The following AKR1D1 variants were observed in gnomAD, a reference collection of about 807,000 sequenced individuals.
The protein encoded by AKR1D1 is aldo-keto reductase family 1 member D1.
A neutral mutation model predicts 42.6 loss-of-function variants in AKR1D1; 32 were observed. The observed-to-expected ratio is 0.75, with a 90% CI of 0.57 to 1.01. The LOEUF (loss-of-function observed/expected upper bound fraction) is 1.01. Ranked by LOEUF, AKR1D1 falls within the 50% of genes least tolerant of loss-of-function variation. AKR1D1 has a pLI of 0.00. For synonymous variants in AKR1D1, 123 were observed against 135.5 expected, an observed-to-expected ratio of 0.91 and a Z score of 0.64; for missense variants, 364 against 402.2, an observed-to-expected ratio of 0.91 and a Z score of 0.81.
Position 138,097,943 on chromosome 7 carries a change from G to C in AKR1D1, c.456G>C (p.Glu152Asp), listed in dbSNP as rs201081358. 6.2e-7 allele frequency: 1 copy of C among 1,607,046 alleles called. No homozygotes were observed. The highest frequency in any genetic ancestry group is 1.7e-5 in the Admixed American group (1 of 59,944). Residue 152 changes from glutamate to aspartate, a missense_variant and splice_region_variant, in exon 4 of 9, where the codon GAG (glutamate) becomes GAC (aspartate). By Grantham distance (45) the Glu-to-Asp change is conservative. Transcript: ENST00000242375. ...YHKSNLCATW[E>D]AMEACKDAGL... ...AGTCAAATCTGTGTGCCACTTGGGA[G>C]GTAAGTTCAAATGTGCTTCTTATTT...
In AKR1D1 at chr7:138,113,666, GTTC is replaced by G. The variant is rs1459564905; in HGVS notation, c.856-22_856-20del. The G allele has an allele frequency of 1.9e-6, 3 of 1,606,666 alleles. No homozygotes were observed. The African/African-American group carries it at 4.0e-5, about 21-fold the overall frequency. ...GATCCCAAGCTTGACCTTCAAAAAT[GTTC>G]TATTATTTCCGTTATTTCAGATCTT... is the stretch of plus-strand genomic sequence containing the variant. On this transcript the variant is annotated intron_variant, in intron 7 of 8. Coordinates refer to ENST00000242375, the MANE Select transcript of AKR1D1 (RefSeq NM_005989.4).
At chr7:138,084,495 A>C (rs1012669172) in intron 1 of AKR1D1, among the ~76,000 whole-genome samples, 2 of 152,040 alleles carry the variant, frequency 1.3e-5, no homozygotes, top group African/African-American at 4.8e-5. Flanking sequence ...CTGGGATTAC[A>C]GGTGTGTGCC....
chr7:138,076,512 C>T lies in AKR1D1; in HGVS notation c.-7C>T, dbSNP rs1802940649. The T allele has an allele frequency of 1.2e-6, 2 of 1,612,004 alleles. No homozygotes were observed. The highest frequency in any genetic ancestry group is 2.2e-5 in the South Asian group (2 of 91,020). On this transcript the variant is annotated 5_prime_UTR_variant, in exon 1 of 9. Coordinates refer to ENST00000242375, the MANE Select transcript of AKR1D1 (RefSeq NM_005989.4). ...TCAGAATCACTCCTACAGTCAGGTT[C>T]TCCACAATGGATCTCAGTGCTGCAA...
At chr7:138,077,551 A>G (rs572622804) in intron 1 of AKR1D1, among the ~76,000 whole-genome samples, 1 of 152,342 alleles carries the variant, frequency 6.6e-6, no homozygotes, top group South Asian at 2.1e-4. Context: ...TAGAAATGGA[A>G]ATAATTAAAT....
At chr7:138,101,490 G>A (rs1485454182) in intron 4 of AKR1D1, among the ~76,000 whole-genome samples, 3 of 151,962 alleles carry the variant, frequency 2.0e-5, no homozygotes, top group South Asian at 2.1e-4. Context: ...GAGCCACCGC[G>A]CCCGGCAACA....
intron 4 of AKR1D1, 43 bp from the exon 5 acceptor site, chr7:138,105,264 C>T (rs1214436065): frequency 6.2e-7 from 1 of 1,613,874 alleles, no homozygotes; most frequent in Non-Finnish European, 8.5e-7. Flanking sequence ...ATTCTTGCTT[C>T]TTGTGAGGCT....
intron 1 of AKR1D1, 73 bp from the exon 2 acceptor site, chr7:138,088,528 A>C (rs1793983496): frequency 6.6e-7 from 1 of 1,522,440 alleles, no homozygotes; most frequent in Non-Finnish European, 9.1e-7. Flanking sequence ...TACATGCAAA[A>C]TGTCCTGATT....
intron 2 of AKR1D1, 146 bp downstream of exon 2, chr7:138,088,914 G>T: frequency 1.1e-6 from 1 of 932,180 alleles, no homozygotes; most frequent in Non-Finnish European, 1.6e-6. Context: ...TTGTTTGTTT[G>T]TTTGTTTGAA....
At chr7:138,079,534 T>C (rs1446496571) in intron 1 of AKR1D1, among the ~76,000 whole-genome samples, 1 of 152,218 alleles carries the variant, frequency 6.6e-6, no homozygotes. Context: ...TGTCCTCCAG[T>C]ACAGCCAATC....
chr7:138,110,172 C>T lies in AKR1D1; in HGVS notation c.855+2592C>T, dbSNP rs141232750. Among the ~76,000 whole-genome samples the T allele has an allele frequency of 1.2e-3, 181 of 151,642 alleles. 1 individual carries two copies. The highest frequency in any genetic ancestry group is 4.2e-3 in the African/African-American group (175 of 41,308). ...GCAACAAAATAATAAATTATGCTCTCTTAGAATGAAGGTAAAATAAACTGT... is the reference window on the plus strand; with the variant it reads ...GCAACAAAATAATAAATTATGCTCTTTTAGAATGAAGGTAAAATAAACTGT... On this transcript the variant is annotated intron_variant, in intron 7 of 8. Transcript: ENST00000242375.
chr7:138,113,843 C>T (rs1281360139), intron 8 of AKR1D1, 71 bp downstream of exon 8: 58 of 1,407,022 alleles, frequency 4.1e-5, no homozygotes, highest in Non-Finnish European at 5.3e-5. Flanking sequence ...CAACAAGGCT[C>T]ATAAGAACCC....
At chr7:138,082,004 CT>C (rs1378688254) in intron 1 of AKR1D1, among the ~76,000 whole-genome samples, 1 of 152,182 alleles carries the variant, frequency 6.6e-6, no homozygotes, top group Non-Finnish European at 1.5e-5. Flanking sequence ...AATTATTGGT[CT>C]GGTGACTAGG....
At chr7:138,105,520 A>G (rs190086700) in intron 5 of AKR1D1, 91 bp downstream of exon 5, 2 of 1,548,566 alleles carry the variant, frequency 1.3e-6, no homozygotes, top group Admixed American at 3.4e-5. Context: ...AGGAAGGCTC[A>G]TGATTGCTCC....
rs918361660 is a variant in AKR1D1, at chr7:138,080,182, C to T, written c.93+3571C>T. ...TCTTAATGCTTTTCCTAGTATACAG[C>T]CATACCTATGACTTTATCTTGAAAG... On this transcript the variant is annotated intron_variant, in intron 1 of 8. Coordinates refer to ENST00000242375, the MANE Select transcript of AKR1D1 (RefSeq NM_005989.4). Among the ~76,000 whole-genome samples the T allele has an allele frequency of 5.3e-5, 8 of 152,330 alleles. No homozygotes were observed. In the East Asian group the frequency reaches 1.5e-3, roughly 29 times the overall value.
At chr7:138,097,819 G>A in intron 3 of AKR1D1, 47 bp from the exon 4 acceptor site, 1 of 1,385,740 alleles carries the variant, frequency 7.2e-7, no homozygotes, top group Non-Finnish European at 1.0e-6. Flanking sequence ...TTAATTCCCA[G>A]ATATAAATAA....
chr7:138,112,065 T>C lies in AKR1D1; in HGVS notation c.856-1625T>C, dbSNP rs187610076. ...CAGGATTCTTCTTTGAAAAAGATCA[T>C]ACCTATAATTAGAACAAATCTCCAA... On this transcript the variant is annotated intron_variant, in intron 7 of 8. Coordinates refer to ENST00000242375, the MANE Select transcript of AKR1D1 (RefSeq NM_005989.4). 2.0e-5 allele frequency among the ~76,000 whole-genome samples: 3 copies of C among 152,308 alleles called. No individual in the cohort carries two copies. In the East Asian group the frequency reaches 5.8e-4, roughly 29 times the overall value.
intron 1 of AKR1D1, among the ~76,000 whole-genome samples, chr7:138,081,088 C>T (rs1001689933): frequency 2.0e-5 from 3 of 152,168 alleles, no homozygotes; most frequent in African/African-American, 4.8e-5. Flanking sequence ...ATAGATCATC[C>T]GTGGATTTCC....
intron 7 of AKR1D1, among the ~76,000 whole-genome samples, chr7:138,108,499 A>G (rs779457831): frequency 2.0e-5 from 3 of 152,224 alleles, no homozygotes; most frequent in Non-Finnish European, 4.4e-5. Flanking sequence ...AGAAACATTA[A>G]TTTGTATGAG....
intron 7 of AKR1D1, among the ~76,000 whole-genome samples, chr7:138,111,922 G>C (rs1191567238): frequency 6.6e-6 from 1 of 151,950 alleles, no homozygotes; most frequent in East Asian, 1.9e-4. Flanking sequence ...TGTTCATAAA[G>C]AGAATAATTA....
Sources: gnomAD v4.1 joint callset for allele counts (sites outside exome capture counted in the v4.1 genomes callset) on GRCh38, gnomAD v4.1.1 for gene constraint, MANE v1.5 for transcripts, NCBI Gene and HGNC (gene_info 2026-07-23, HGNC 2026-07-21) for gene names.